Variants in GUCY2C observed in about 807,000 individuals in gnomAD.
GUCY2C encodes the protein guanylyl cyclase C.
In GUCY2C, 118 loss-of-function variants were observed where a neutral mutation model predicts 131.1. That is an observed-to-expected ratio of 0.90 (90% CI 0.78 to 1.05). The LOEUF is 1.05. GUCY2C is among the 50% of genes least tolerant of loss of function. The probability of loss-of-function intolerance (pLI) is 0.00; values close to 1 mark genes in which losing one functional copy is unlikely to be tolerated. For missense variants in GUCY2C, 1,161 were observed against 1,304.4 expected, an observed-to-expected ratio of 0.89 and a Z score of 1.69; for synonymous variants, 452 against 457.8, an observed-to-expected ratio of 0.99 and a Z score of 0.16.
At chr12:14,677,736 A>ATTTTTTTTTTTT (rs67108274) in intron 6 of GUCY2C, among the ~76,000 whole-genome samples, 1 of 134,042 alleles carries the variant, frequency 7.5e-6, no homozygotes, top group East Asian at 2.2e-4. Context: ...ACGCCCAGCT[A>ATTTTTTTTTTTT]TTTTTTTTTT....
intron 1 of GUCY2C, among the ~76,000 whole-genome samples, chr12:14,688,489 A>C (rs1185462109): frequency 5.3e-5 from 8 of 152,128 alleles, no homozygotes; most frequent in African/African-American, 7.2e-5. Context: ...TGGGAAGCAA[A>C]GACATAAACA....
intron 12 of GUCY2C, among the ~76,000 whole-genome samples, chr12:14,656,078 CT>C: frequency 6.6e-6 from 1 of 152,260 alleles, no homozygotes; most frequent in East Asian, 1.9e-4. Context: ...TTGGCTGCTG[CT>C]ATTTCCTGGT....
intron 9 of GUCY2C, among the ~76,000 whole-genome samples, chr12:14,670,441 A>G (rs896454116): frequency 6.6e-6 from 1 of 152,188 alleles, no homozygotes. Context: ...TCATTTGCCA[A>G]TGGAAATATT....
At chr12:14,627,025 G>A (rs1020804459) in intron 20 of GUCY2C, among the ~76,000 whole-genome samples, 1 of 152,170 alleles carries the variant, frequency 6.6e-6, no homozygotes. Context: ...GGATTATTTT[G>A]TCAGATCAAG....
At chr12:14,696,182 C>A in intron 1 of GUCY2C, 50 bp downstream of exon 1, 1 of 1,415,770 alleles carries the variant, frequency 7.1e-7, no homozygotes, top group South Asian at 1.2e-5. Flanking sequence ...AACATTTTGT[C>A]CCCAGAGGTA....
intron 1 of GUCY2C, 93 bp downstream of exon 1, chr12:14,696,139 G>T: frequency 2.1e-6 from 2 of 956,512 alleles, no homozygotes; most frequent in African/African-American, 1.6e-5. Flanking sequence ...AGAGAAAGTT[G>T]TGTGATCAAA....
chr12:14,641,094 G>T lies in GUCY2C; in HGVS notation c.2056C>A (p.Arg686=). ...GGTTTAGATGTACCATTCCGGTCCC[G>T]ACAGCTCAAAGTGTAGAAGGTTTCT... The part of the protein sequence containing the change: ...RKETFYTLSC[R]DRNEKIFRVE... The change falls in exon 18 of 27, where the codon CGG becomes AGG. Residue 686 remains arginine, a synonymous_variant. Coordinates refer to ENST00000261170, the MANE Select transcript of GUCY2C (RefSeq NM_004963.4). 2 of 1,613,432 alleles carry T rather than the reference G, an allele frequency of 1.2e-6. No homozygotes were observed. Among genetic ancestry groups the T allele is most frequent in the Non-Finnish European group, 1.7e-6 (2 of 1,179,816 alleles).
At chr12:14,643,801 G>A (rs1947457629) in intron 16 of GUCY2C, 95 bp from the exon 17 acceptor site, 2 of 1,074,750 alleles carry the variant, frequency 1.9e-6, no homozygotes, top group African/African-American at 1.6e-5. Context: ...AACCATTTCA[G>A]CAGATGGTCA....
At chr12:14,669,889 T>G in intron 9 of GUCY2C, 56 bp from the exon 10 acceptor site, 1 of 692,954 alleles carries the variant, frequency 1.4e-6, no homozygotes, top group African/African-American at 1.8e-5. Flanking sequence ...ATAGAACAAA[T>G]TATGGTGAGA....
At chr12:14,653,713 CA>C (rs918278866) in intron 12 of GUCY2C, among the ~76,000 whole-genome samples, 2 of 152,128 alleles carry the variant, frequency 1.3e-5, no homozygotes, top group Non-Finnish European at 2.9e-5. Flanking sequence ...ATGTGATTCT[CA>C]TAAAAACCTG....
At chr12:14,660,894 A>T in intron 11 of GUCY2C, 87 bp downstream of exon 11, 1 of 829,210 alleles carries the variant, frequency 1.2e-6, no homozygotes. Flanking sequence ...GTGAATATTC[A>T]TCATCATCAA....
intron 24 of GUCY2C, among the ~76,000 whole-genome samples, chr12:14,617,211 G>T (rs1946784545): frequency 6.6e-6 from 1 of 152,134 alleles, no homozygotes. Context: ...CTTACAGCCT[G>T]CAGAACCATG....
intron 24 of GUCY2C, among the ~76,000 whole-genome samples, chr12:14,618,503 ACCCCAT>A (rs931578023): frequency 6.6e-6 from 1 of 152,114 alleles, no homozygotes; most frequent in Non-Finnish European, 1.5e-5. Flanking sequence ...ACAGAGTGAG[ACCCCAT>A]CTCAAACAAA....
chr12:14,617,338 A>C (rs960529624), intron 24 of GUCY2C, among the ~76,000 whole-genome samples: 1 of 152,156 alleles, frequency 6.6e-6, no homozygotes, highest in Non-Finnish European at 1.5e-5. Flanking sequence ...AAGGCCTGGC[A>C]TCAGTTTTCA....
At chr12:14,631,476 C>A (rs780606465) in intron 19 of GUCY2C, among the ~76,000 whole-genome samples, 1 of 151,178 alleles carries the variant, frequency 6.6e-6, no homozygotes. Flanking sequence ...TGAGAACATG[C>A]GGTGTTTGGT....
chr12:14,625,816 T>C lies in GUCY2C; in HGVS notation c.2349A>G (p.Thr783=). The C allele has an allele frequency of 6.2e-7, 1 of 1,611,952 alleles. No individual in the cohort carries two copies. Among genetic ancestry groups the C allele is most frequent in the Non-Finnish European group, 8.5e-7 (1 of 1,178,014 alleles). ...TGTCCCTCTCTGCCTTGTACAGCTGTGTCCTTTCCTCTACCAGATGTTCCA... is the reference window on the plus strand; with the variant it reads ...TGTCCCTCTCTGCCTTGTACAGCTGCGTCCTTTCCTCTACCAGATGTTCCA... The part of the protein sequence containing the change: ...RNLEHLVEER[T]QLYKAERDRA... The change falls in exon 21 of 27, where the codon ACA becomes ACG. Residue 783 remains threonine, a synonymous_variant. Coordinates refer to ENST00000261170, the MANE Select transcript of GUCY2C (RefSeq NM_004963.4).
intron 6 of GUCY2C, among the ~76,000 whole-genome samples, chr12:14,679,285 G>T (rs539781876): frequency 6.6e-6 from 1 of 152,172 alleles, no homozygotes; most frequent in African/African-American, 2.4e-5. Flanking sequence ...AGGCTAGTCT[G>T]AAACTCCTGG....
At chr12:14,644,740 CTTT>C (rs542151875) in intron 16 of GUCY2C, among the ~76,000 whole-genome samples, 6 of 108,650 alleles carry the variant, frequency 5.5e-5, no homozygotes, top group Admixed American at 1.9e-4. Flanking sequence ...ATTCAGTTGT[CTTT>C]TTTTTTTTTT....
chr12:14,665,218 G>GAAA (rs550017739), intron 10 of GUCY2C, among the ~76,000 whole-genome samples: 7 of 85,474 alleles, frequency 8.2e-5, no homozygotes, highest in African/African-American at 2.4e-4. Context: ...TCCGTCTCAG[G>GAAA]AAAAAAAAAA....
Sources: allele counts gnomAD v4.1 joint callset (sites outside exome capture counted in the v4.1 genomes callset), GRCh38; gene constraint gnomAD v4.1.1; transcripts MANE v1.5; gene names NCBI Gene and HGNC (gene_info 2026-07-23, HGNC 2026-07-21).